LDLRAD4: variants seen among roughly 807,000 people sequenced by gnomAD.
LDLRAD4 encodes low-density lipoprotein receptor class A domain-containing protein 4.
Under a neutral mutation model 17.0 loss-of-function variants are expected in LDLRAD4, and 5 were observed. That is an observed-to-expected ratio of 0.29 (90% CI 0.15 to 0.62). LDLRAD4 has a LOEUF of 0.62. LDLRAD4 is among the 20% of genes least tolerant of loss of function. The pLI is 0.84. For synonymous variants in LDLRAD4, 168 were observed against 171.8 expected, an observed-to-expected ratio of 0.98 and a Z score of 0.17; for missense variants, 340 against 424.7, an observed-to-expected ratio of 0.80 and a Z score of 1.75.
At chr18:13,498,899 A>G (rs1365779663) in intron 3 of LDLRAD4, among the ~76,000 whole-genome samples, 1 of 149,722 alleles carries the variant, frequency 6.7e-6, no homozygotes, top group Non-Finnish European at 1.5e-5. Context: ...GACACTGGAG[A>G]ATCCTTCTCG....
At chr18:13,294,787 C>T (rs1354400967) in intron 1 of LDLRAD4, among the ~76,000 whole-genome samples, 1 of 149,458 alleles carries the variant, frequency 6.7e-6, no homozygotes, top group Non-Finnish European at 1.5e-5. Context: ...AGCCTACCTA[C>T]TTGTTTGAGT....
chr18:13,250,069 G>A (rs969812629), intron 1 of LDLRAD4, among the ~76,000 whole-genome samples: 16 of 152,146 alleles, frequency 1.1e-4, no homozygotes, highest in South Asian at 2.1e-4. Flanking sequence ...ACTATTTATC[G>A]AAGAGAATGT....
At position 13,652,333 on chromosome 18, in the gene LDLRAD4, A is replaced by ATACTTG. The variant is rs1568467558; in HGVS notation, c.*6678_*6683dup. On this transcript the variant is annotated 3_prime_UTR_variant, in exon 6 of 6. Transcript: ENST00000359446. ...AGCTTTCAAAAATCATGCTAATTGT[A>ATACTTG]TACTTGTCTAGTTTAAGGCTATTTT... The ATACTTG allele has an allele frequency of 5.3e-5, 8 of 152,346 alleles. No homozygotes were observed. In the South Asian group the frequency reaches 1.7e-3, roughly 32 times the overall value. The allele number at this position is 152,346 out of a possible 1,614,324, so 9.4% of individuals were successfully genotyped here. A position where few individuals can be genotyped will look rare whatever the true frequency, so the allele number is the denominator to read the frequency against.
At chr18:13,431,432 C>T (rs16940505) in intron 2 of LDLRAD4, among the ~76,000 whole-genome samples, 1 of 152,164 alleles carries the variant, frequency 6.6e-6, no homozygotes, top group Non-Finnish European at 1.5e-5. Flanking sequence ...TGTTATCCAC[C>T]CTTTCAAGCC....
intron 3 of LDLRAD4, among the ~76,000 whole-genome samples, chr18:13,511,224 C>G (rs540249483): frequency 6.6e-6 from 1 of 152,220 alleles, no homozygotes; most frequent in Admixed American, 6.5e-5. Flanking sequence ...AAAGGGAAGG[C>G]AAAATGTGCT....
At chr18:13,343,687 A>G (rs1436542732) in intron 1 of LDLRAD4, among the ~76,000 whole-genome samples, 1 of 152,188 alleles carries the variant, frequency 6.6e-6, no homozygotes, top group Non-Finnish European at 1.5e-5. Context: ...GAACTAGTTT[A>G]CAATCCCACC....
intron 1 of LDLRAD4, among the ~76,000 whole-genome samples, chr18:13,263,603 A>G (rs1313213747): frequency 1.3e-5 from 2 of 152,210 alleles, no homozygotes; most frequent in Non-Finnish European, 2.9e-5. Flanking sequence ...ATTGGCAGCC[A>G]TGTGACCTTG....
intron 3 of LDLRAD4, among the ~76,000 whole-genome samples, chr18:13,605,637 A>C (rs2095215268): frequency 6.6e-5 from 10 of 152,242 alleles, no homozygotes; most frequent in Admixed American, 5.9e-4. Context: ...CCATCAGCAC[A>C]GAGCGGAGGA....
intron 3 of LDLRAD4, chr18:13,615,350 A>G (rs1402577520): frequency 3.9e-5 from 6 of 152,220 alleles, no homozygotes; most frequent in Non-Finnish European, 8.8e-5. Flanking sequence ...AACTGTAGAA[A>G]TAAGACTTCA....
rs146808513 is a variant in LDLRAD4 at position 13,477,637 on chromosome 18, C to G, written c.181+39253C>G. 2.4e-3 allele frequency among the ~76,000 whole-genome samples: 366 copies of G among 152,272 alleles called. 3 individuals are homozygous for G. The highest frequency in any genetic ancestry group is 0.013 in the South Asian group (65 of 4,824). ...AGGCAATTAGAGGTGTTTTCTAGAC[C>G]AAGCCCCTCTTTTCATAGCTGAGAA... On this transcript the variant is annotated intron_variant, in intron 3 of 5. Coordinates refer to ENST00000359446, the Ensembl canonical transcript of LDLRAD4.
Position 13,528,456 on chromosome 18 carries a change from A to G in LDLRAD4, c.181+90072A>G, listed in dbSNP as rs577817016. Among the ~76,000 whole-genome samples the G allele has an allele frequency of 2.0e-5, 3 of 152,198 alleles. No homozygotes were observed. The South Asian group carries it at 6.2e-4, about 32-fold the overall frequency. On this transcript the variant is annotated intron_variant, in intron 3 of 5. Transcript: ENST00000359446. ...GCCTCCTGAGTAGCTGGGATTACAG[A>G]TGTGCACCACCACGCCTGGCTAATT...
At chr18:13,589,738 C>T (rs1169791505) in intron 3 of LDLRAD4, among the ~76,000 whole-genome samples, 1 of 152,068 alleles carries the variant, frequency 6.6e-6, no homozygotes, top group Non-Finnish European at 1.5e-5. Context: ...AAAGGAAAGT[C>T]TAAAGGAGAG....
chr18:13,336,367 C>G (rs954520175), intron 1 of LDLRAD4, among the ~76,000 whole-genome samples: 1 of 152,222 alleles, frequency 6.6e-6, no homozygotes, highest in Middle Eastern at 3.4e-3. Flanking sequence ...GCCTGGGTGC[C>G]TTTTCAGGAT....
At chr18:13,610,722 G>A (rs1212803877) in intron 3 of LDLRAD4, among the ~76,000 whole-genome samples, 10 of 152,136 alleles carry the variant, frequency 6.6e-5, no homozygotes, top group African/African-American at 9.7e-5. Flanking sequence ...AAGGAGCCTC[G>A]GGGCTCCAGG....
At chr18:13,454,084 G>T (rs535430139) in intron 3 of LDLRAD4, among the ~76,000 whole-genome samples, 3 of 152,378 alleles carry the variant, frequency 2.0e-5, no homozygotes, top group Admixed American at 2.0e-4. Flanking sequence ...TCCAAAAGGG[G>T]CATCCTGCCT....
intron 1 of LDLRAD4, among the ~76,000 whole-genome samples, chr18:13,375,836 C>T (rs1161796317): frequency 6.6e-6 from 1 of 152,186 alleles, no homozygotes; most frequent in African/African-American, 2.4e-5. Flanking sequence ...CCGCCAGCGC[C>T]TTGCTCTTCA....
At chr18:13,328,390 A>G (rs146168213) in intron 1 of LDLRAD4, among the ~76,000 whole-genome samples, 372 of 152,286 alleles carry the variant, frequency 2.4e-3, no homozygotes, top group Admixed American at 7.1e-3. Flanking sequence ...TTGAATATGC[A>G]TATTTGGCAG....
chr18:13,347,540 G>A (rs377335980), intron 1 of LDLRAD4, among the ~76,000 whole-genome samples: 4 of 152,108 alleles, frequency 2.6e-5, no homozygotes, highest in South Asian at 2.1e-4. Context: ...GAATCTGACA[G>A]TTATGTGTCT....
intron 2 of LDLRAD4, among the ~76,000 whole-genome samples, chr18:13,429,733 G>A (rs1330085829): frequency 7.9e-6 from 1 of 126,564 alleles, no homozygotes; most frequent in Non-Finnish European, 2.0e-5. Context: ...CCCTCCAAGG[G>A]AAGCCTCCCC....
Sources: allele counts gnomAD v4.1 joint callset (sites outside exome capture counted in the v4.1 genomes callset), GRCh38; gene constraint gnomAD v4.1.1; transcripts MANE v1.5; gene names NCBI Gene and HGNC (gene_info 2026-07-23, HGNC 2026-07-21).